The following MAPK7 variants were observed in gnomAD, a reference collection of about 807,000 sequenced individuals.
MAPK7 encodes mitogen-activated protein kinase 7, also known as BMK-1.
In MAPK7, 30 loss-of-function variants were observed where a neutral mutation model predicts 56.9. The ratio of observed to expected loss-of-function variants is 0.53; its 90% confidence interval spans 0.39 to 0.72. MAPK7 has a LOEUF of 0.72. Ranked by LOEUF, MAPK7 falls within the 30% of genes least tolerant of loss-of-function variation. MAPK7 has a pLI of 0.00. For missense variants in MAPK7, 952 were observed against 1,110.8 expected, an observed-to-expected ratio of 0.86 and a Z score of 2.03; for synonymous variants, 516 against 449.3, an observed-to-expected ratio of 1.15 and a Z score of -1.88.
In MAPK7 at chr17:19,382,007, G is replaced by A. The variant is rs763230289; in HGVS notation, c.1704G>A (p.Leu568=). The change falls in exon 5 of 7, where the codon CTG becomes CTA. Residue 568 remains leucine, a synonymous_variant. Transcript: ENST00000395604. ...GLVLSDNDRS[L]LERWTRMARP... is the part of the protein sequence containing the mutation. ...TGCTCAGTGACAATGACAGAAGCCT[G>A]TTGGAACGCTGGACTCGAATGGCCC... 1.3e-6 allele frequency: 2 copies of A among 1,554,486 alleles called. No homozygotes were observed. The highest frequency in any genetic ancestry group is 1.2e-5 in the South Asian group (1 of 84,646).
chr17:19,379,371 A>G (rs1912430062), intron 2 of MAPK7: 2 of 587,518 alleles, frequency 3.4e-6, no homozygotes, highest in Non-Finnish European at 6.1e-6. Context: ...AGTCCCAGTT[A>G]GACCAGAATG....
rs763073942 is a variant in MAPK7 at position 19,379,132 on chromosome 17, G to A, written c.232G>A (p.Gly78Ser). The change falls in exon 2 of 7, where the codon GGC becomes AGC. Residue 78 changes from glycine to serine, a missense_variant and splice_region_variant. Physicochemically the swap from Gly to Ser is moderately conservative, Grantham distance 56. Coordinates refer to ENST00000395604, the MANE Select transcript of MAPK7 (RefSeq NM_002749.4). ...VVSSARRRLT[G>S]QQVAIKKIPN... ...GTCCTCCGCCCGCCGCCGCCTCACC[G>A]GTGAGCTTCCTGAGCCGTCGCCTCC... The A allele has an allele frequency of 1.2e-6, 2 of 1,611,762 alleles. No individual in the cohort carries two copies. The highest frequency in any genetic ancestry group is 1.7e-6 in the Non-Finnish European group (2 of 1,179,424).
intron 5 of MAPK7, among the ~76,000 whole-genome samples, 164 bp downstream of exon 5, chr17:19,382,630 T>G (rs1912816992): frequency 6.6e-6 from 1 of 152,244 alleles, no homozygotes; most frequent in South Asian, 2.1e-4. Context: ...AAGAGGTTGT[T>G]AGGAGACAAG....
chr17:19,382,731 C>A (rs1598119118), intron 5 of MAPK7, 82 bp from the exon 6 acceptor site: 2 of 1,544,304 alleles, frequency 1.3e-6, no homozygotes, highest in East Asian at 4.5e-5. Context: ...CCCAGATATC[C>A]AGGCGGAGTA....
chr17:19,383,335 G>T lies in MAPK7; in HGVS notation c.*104G>T. Reference sequence around the variant, plus strand: ...GGACCCAGCAGGTGAGGCTCGGCTTGGATTATTCTGCAGGTTCATCTCAGA... The same window carrying T: ...GGACCCAGCAGGTGAGGCTCGGCTTTGATTATTCTGCAGGTTCATCTCAGA... On this transcript the variant is annotated 3_prime_UTR_variant, in exon 7 of 7. Transcript: ENST00000395604. The T allele has an allele frequency of 7.7e-7, 1 of 1,307,026 alleles. No individual in the cohort carries two copies. The highest frequency in any genetic ancestry group is 1.4e-5 in the South Asian group (1 of 70,080). 81.0% of individuals were successfully genotyped at this position (1,307,026 alleles called of 1,614,324 possible).
Position 19,382,455 on chromosome 17 carries a change from T to C in MAPK7, c.2152T>C (p.Ser718Pro). 1 of 1,594,784 alleles carries C rather than the reference T, an allele frequency of 6.3e-7. No individual in the cohort carries two copies. Among genetic ancestry groups the C allele is most frequent in the Non-Finnish European group, 8.6e-7 (1 of 1,169,322 alleles). Reference protein sequence around the residue: ...PDVNLVTQQLSKSQVEDPLPP... With the variant: ...PDVNLVTQQLPKSQVEDPLPP... ...TGTCAACCTTGTGACCCAGCAGCTA[T>C]CTAAGTCACAGGTGAGAGGGAGGCC... Residue 718 changes from serine to proline, a missense_variant, in exon 5 of 7, where the codon TCT becomes CCT. This residue lies in a region of MAPK7 where 234 missense variants were observed against 210.4 expected (regional missense o/e 1.11). Transcript: ENST00000395604.
Position 19,383,348 on chromosome 17 carries a change from G to T in MAPK7, c.*117G>T. 1 of 1,192,036 alleles carries T rather than the reference G, an allele frequency of 8.4e-7. No homozygotes were observed. The highest frequency in any genetic ancestry group is 1.2e-6 in the Non-Finnish European group (1 of 861,162). The allele number at this position is 1,192,036 out of a possible 1,614,324, so 73.8% of individuals were successfully genotyped here. Reference sequence around the variant, plus strand: ...GAGGCTCGGCTTGGATTATTCTGCAGGTTCATCTCAGACCCACCTTTCAGC... The same window carrying T: ...GAGGCTCGGCTTGGATTATTCTGCATGTTCATCTCAGACCCACCTTTCAGC... On this transcript the variant is annotated 3_prime_UTR_variant, in exon 7 of 7. Transcript: ENST00000395604.
intron 3 of MAPK7, chr17:19,380,316 T>G: frequency 1.6e-5 from 9 of 565,860 alleles, no homozygotes; most frequent in Non-Finnish European, 2.3e-5. Context: ...TACCAAACAA[T>G]GGAGATAGCC....
chr17:19,380,428 G>A, intron 3 of MAPK7, 180 bp from the exon 4 acceptor site: 1 of 1,392,778 alleles, frequency 7.2e-7, no homozygotes, highest in Non-Finnish European at 9.3e-7. Flanking sequence ...CCAAGTTCAT[G>A]GAAAAGTCGT....
Position 19,382,189 on chromosome 17 carries a change from C to T in MAPK7, c.1886C>T (p.Pro629Leu). ...GCGGGCTCTACCTCTGGCCCTGTACCCCAGCCTGCCTGCCCACCCCCTGGC... is the reference window on the plus strand; with the variant it reads ...GCGGGCTCTACCTCTGGCCCTGTACTCCAGCCTGCCTGCCCACCCCCTGGC... ...QSAGSTSGPV[P>L]QPACPPPGPA... is the part of the protein sequence containing the mutation. The change falls in exon 5 of 7, where the codon CCC becomes CTC. Residue 629 changes from proline to leucine, a missense_variant. By Grantham distance (98) the Pro-to-Leu change is moderately conservative. Around this residue, in one of 5 missense-constraint regions of MAPK7, gnomAD observed 234 missense variants for 210.4 expected, o/e 1.11. Transcript: ENST00000395604. 1.2e-6 allele frequency: 2 copies of T among 1,612,464 alleles called. No individual in the cohort carries two copies. The highest frequency in any genetic ancestry group is 2.7e-5 in the African/African-American group (2 of 75,010).
chr17:19,381,757 C>A lies in MAPK7; in HGVS notation c.1478-24C>A. On this transcript the variant is annotated intron_variant, in intron 4 of 6. Transcript: ENST00000395604. The surrounding 1 kb of genome is among the most constrained non-coding windows in gnomAD (Gnocchi z 4.6). ...GGACAAGGCTTCAGGCTTTTACCTT[C>A]TCCCCTGCCCAACTTCCCCGCAGAT... 6.5e-7 allele frequency: 1 copy of A among 1,537,088 alleles called. No individual in the cohort carries two copies. Among genetic ancestry groups the A allele is most frequent in the Non-Finnish European group, 8.7e-7 (1 of 1,145,068 alleles).
At position 19,383,287 on chromosome 17, in the gene MAPK7, G is replaced by A. The variant is rs929141428; in HGVS notation, c.*56G>A. On this transcript the variant is annotated 3_prime_UTR_variant, in exon 7 of 7. Transcript: ENST00000395604. ...AGACCTAGTTCCAGGATCCATGGGA[G>A]CATTCTCAAAGGCTTTAGCCCTGGA... The A allele has an allele frequency of 3.7e-5, 58 of 1,588,446 alleles. No individual in the cohort carries two copies. The African/African-American group carries it at 6.6e-4, about 18-fold the overall frequency.
In MAPK7 at chr17:19,379,942, A is replaced by AT. The variant is rs1912505835; in HGVS notation, c.394dup (p.Ser132PhefsTer51). 1 of 1,613,476 alleles carries AT rather than the reference A, an allele frequency of 6.2e-7. No individual in the cohort carries two copies. Among genetic ancestry groups the AT allele is most frequent in the Non-Finnish European group, 8.5e-7 (1 of 1,179,650 alleles). On this transcript the variant is annotated frameshift_variant, in exon 3 of 7. Coordinates refer to ENST00000395604, the MANE Select transcript of MAPK7 (RefSeq NM_002749.4). LOFTEE classifies it high-confidence loss of function. ...CCACCGTGCCCTATGGCGAATTCAA[A>AT]TCTGTGTAAGAAGCGGGATGGGAGA...
At chr17:19,379,275 C>G in intron 2 of MAPK7, 143 bp downstream of exon 2, 1 of 751,822 alleles carries the variant, frequency 1.3e-6, no homozygotes. Context: ...TTCTGCCTGC[C>G]AGGCTCCGGG....
chr17:19,383,159 G>A lies in MAPK7; in HGVS notation c.2379G>A (p.Glu793=). 6.2e-7 allele frequency: 1 copy of A among 1,614,072 alleles called. No homozygotes were observed. The highest frequency in any genetic ancestry group is 8.5e-7 in the Non-Finnish European group (1 of 1,180,008). ...ATGGCATGAACCCTGCCGATATTGA[G>A]TCCCTGCAGCGTGAGATCCAGATGG... is the stretch of plus-strand genomic sequence containing the variant. ...EGHGMNPADI[E]SLQREIQMDS... Residue 793 remains glutamate (E), a synonymous_variant, in exon 7 of 7, where the codon GAG becomes GAA. Coordinates refer to ENST00000395604, the MANE Select transcript of MAPK7 (RefSeq NM_002749.4).
Position 19,382,433 on chromosome 17 carries a change from C to G in MAPK7, c.2130C>G (p.Val710=). 6.2e-7 allele frequency: 1 copy of G among 1,607,880 alleles called. No individual in the cohort carries two copies. The highest frequency in any genetic ancestry group is 1.1e-5 in the South Asian group (1 of 90,192). ...CTTCCATGTCAGAGTCACCTGATGTCAACCTTGTGACCCAGCAGCTATCTA... is the reference window on the plus strand; with the variant it reads ...CTTCCATGTCAGAGTCACCTGATGTGAACCTTGTGACCCAGCAGCTATCTA... ...PQSSMSESPD[V]NLVTQQLSKS... The change falls in exon 5 of 7, where the codon GTC becomes GTG. Residue 710 remains valine, a synonymous_variant. Transcript: ENST00000395604.
intron 3 of MAPK7, chr17:19,380,370 A>G (rs1912546874): frequency 1.7e-6 from 2 of 1,151,842 alleles, no homozygotes; most frequent in Middle Eastern, 2.1e-4. Flanking sequence ...GTCCAACCCC[A>G]TCTTTTATCT....
At position 19,378,721 on chromosome 17, in the gene MAPK7, C is replaced by T. The variant is rs1286691264; in HGVS notation, c.-6+91C>T. 1.2e-5 allele frequency: 17 copies of T among 1,367,370 alleles called. No homozygotes were observed. The highest frequency in any genetic ancestry group is 5.3e-5 in the East Asian group (2 of 37,938). 84.7% of individuals were successfully genotyped at this position (1,367,370 alleles called of 1,614,324 possible). ...CTACCCCTCCCCCGACCCTGGCGGG[C>T]CCCCGGCTCTGGGCCCGGACCCCTG... On this transcript the variant is annotated intron_variant, in intron 1 of 6. Transcript: ENST00000395604. The surrounding 1 kb of genome is among the most constrained non-coding windows in gnomAD (Gnocchi z 5.4).
rs1210471901 is a variant in MAPK7 at position 19,382,207 on chromosome 17, C to CTCTGG, written c.1904_1905insTCTGG (p.Pro636LeufsTer80). 6.2e-7 allele frequency: 1 copy of CTCTGG among 1,611,818 alleles called. No homozygotes were observed. The highest frequency in any genetic ancestry group is 8.5e-7 in the Non-Finnish European group (1 of 1,179,488). On this transcript the variant is annotated frameshift_variant, in exon 5 of 7. Transcript: ENST00000395604. LOFTEE classifies it high-confidence loss of function. ...CCTGTACCCCAGCCTGCCTGCCCAC[C>CTCTGG]CCCTGGCCCTGCACCCCACCCCACT...
Sources: allele counts gnomAD v4.1 joint callset (sites outside exome capture counted in the v4.1 genomes callset), GRCh38; gene constraint gnomAD v4.1.1; regional missense constraint gnomAD v4.1.1; non-coding constraint Gnocchi (gnomAD v3.1); transcripts MANE v1.5; gene names NCBI Gene and HGNC (gene_info 2026-07-23, HGNC 2026-07-21).